The following SEMA6D variants were observed in gnomAD, a reference collection of about 807,000 sequenced individuals.
The protein encoded by SEMA6D is semaphorin 6D, also known as semaphorin-6D.
In SEMA6D, 35 loss-of-function variants were observed where a neutral mutation model predicts 106.6. The ratio of observed to expected loss-of-function variants is 0.33; its 90% CI spans 0.25 to 0.44. The LOEUF (loss-of-function observed/expected upper bound fraction) is 0.44. SEMA6D is among the 20% of genes least tolerant of loss of function. The pLI, the probability that SEMA6D is intolerant of heterozygous loss-of-function variation, is 1.00. For missense variants in SEMA6D, 1,185 were observed against 1,345.9 expected (o/e 0.88, Z 1.87); for synonymous variants, 499 against 487.7 (o/e 1.02, Z -0.31).
At chr15:47,603,967 C>A (rs892926158) in intron 4 of SEMA6D, 1 of 151,950 alleles carries the variant, frequency 6.6e-6, no homozygotes, top group African/African-American at 2.4e-5. Flanking sequence ...GTGTTTATAC[C>A]CTCTTTTGTT....
intron 1 of SEMA6D, among the ~76,000 whole-genome samples, chr15:47,387,516 G>C (rs948118411): frequency 6.6e-6 from 1 of 152,156 alleles, no homozygotes; most frequent in African/African-American, 2.4e-5. Context: ...TTGTTGTCAG[G>C]TTTAAATGAA....
At chr15:47,596,846 G>C (rs929351551) in intron 3 of SEMA6D, among the ~76,000 whole-genome samples, 1 of 151,716 alleles carries the variant, frequency 6.6e-6, no homozygotes, top group African/African-American at 2.4e-5. Flanking sequence ...AAACATAGGA[G>C]AAAAAAACTA....
At chr15:47,492,211 T>A (rs1229042026) in intron 3 of SEMA6D, among the ~76,000 whole-genome samples, 4 of 152,110 alleles carry the variant, frequency 2.6e-5, no homozygotes, top group Non-Finnish European at 5.9e-5. Flanking sequence ...AAGTGAAAGA[T>A]AAAAGTCCAA....
At chr15:47,550,942 C>T (rs1263337487) in intron 3 of SEMA6D, among the ~76,000 whole-genome samples, 2 of 152,102 alleles carry the variant, frequency 1.3e-5, no homozygotes, top group African/African-American at 4.8e-5. Context: ...CAGAAGTGCA[C>T]ATTTGCCATA....
intron 3 of SEMA6D, among the ~76,000 whole-genome samples, chr15:47,499,646 A>G (rs887813496): frequency 2.6e-5 from 4 of 152,264 alleles, no homozygotes; most frequent in Non-Finnish European, 5.9e-5. Flanking sequence ...TCTCAGAGTT[A>G]TATTCCTTAT....
rs1224586120 is a variant in SEMA6D, at chr15:47,772,351, T to TGCGC, written c.*567_*568insCGCG. On this transcript the variant is annotated 3_prime_UTR_variant, in exon 19 of 19. Coordinates refer to ENST00000536845, the MANE Select transcript of SEMA6D (RefSeq NM_001358351.3). ...TCATGCCACCAACAAACTTGTTGTG[T>TGCGC]GTGTGCGTGTGTGTGTGTGTGTGTG... 1 of 125,514 alleles carries TGCGC rather than the reference T, an allele frequency of 8.0e-6. No homozygotes were observed. Among genetic ancestry groups the TGCGC allele is most frequent in the African/African-American group, 3.2e-5 (1 of 31,024 alleles). The allele number at this position is 125,514 out of a possible 1,614,324, so 7.8% of individuals were successfully genotyped here.
At chr15:47,325,317 G>A (rs1486581681) in intron 1 of SEMA6D, among the ~76,000 whole-genome samples, 1 of 152,066 alleles carries the variant, frequency 6.6e-6, no homozygotes. Flanking sequence ...TGGACTACAG[G>A]CGCCCACCAC....
Position 47,644,340 on chromosome 15 carries a change from A to G in SEMA6D, c.-55+43444A>G, listed in dbSNP as rs78560967. ...CATTCAAAGTCATTGTGTCATGTAT[A>G]ATGCCATATTCATTTAAGTAAAATT... On this transcript the variant is annotated intron_variant, in intron 4 of 19. Transcript: ENST00000558014. 6.2e-3 allele frequency among the ~76,000 whole-genome samples: 949 copies of G among 152,366 alleles called. 5 individuals are homozygous for G. Among genetic ancestry groups the G allele is most frequent in the African/African-American group, 0.021 (887 of 41,584 alleles).
At chr15:47,229,642 A>G (rs1054438210) in intron 1 of SEMA6D, among the ~76,000 whole-genome samples, 3 of 150,144 alleles carry the variant, frequency 2.0e-5, no homozygotes, top group Non-Finnish European at 3.0e-5. Flanking sequence ...TGGCTAATCA[A>G]ATTCTAAGAT....
At chr15:47,317,479 C>G (rs1011301398) in intron 1 of SEMA6D, among the ~76,000 whole-genome samples, 4 of 152,262 alleles carry the variant, frequency 2.6e-5, no homozygotes, top group South Asian at 2.1e-4. Flanking sequence ...TATGTAGATT[C>G]ACATTTTCAA....
chr15:47,257,439 C>T (rs1341450803), intron 1 of SEMA6D, among the ~76,000 whole-genome samples: 1 of 152,134 alleles, frequency 6.6e-6, no homozygotes, highest in South Asian at 2.1e-4. Flanking sequence ...TTTTGTGTTA[C>T]CAGTTTCCCT....
chr15:47,202,168 C>T (rs1477399601), intron 1 of SEMA6D, among the ~76,000 whole-genome samples: 1 of 151,884 alleles, frequency 6.6e-6, no homozygotes, highest in African/African-American at 2.4e-5. Context: ...CAGGAGAGGG[C>T]CTCCCTGACC....
chr15:47,204,918 T>G (rs1894957253), intron 1 of SEMA6D, among the ~76,000 whole-genome samples: 1 of 152,054 alleles, frequency 6.6e-6, no homozygotes, highest in African/African-American at 2.4e-5. Flanking sequence ...CCAAAAAAGT[T>G]AGTAGAAAAC....
chr15:47,642,333 G>A (rs1391451759), intron 4 of SEMA6D, among the ~76,000 whole-genome samples: 2 of 152,288 alleles, frequency 1.3e-5, no homozygotes, highest in East Asian at 1.9e-4. Context: ...AAACTGGGGT[G>A]CAGAGATTAA....
intron 3 of SEMA6D, among the ~76,000 whole-genome samples, chr15:47,481,242 C>G (rs759045047): frequency 1.3e-5 from 2 of 152,074 alleles, no homozygotes; most frequent in Non-Finnish European, 2.9e-5. Flanking sequence ...TTGAGGTGAG[C>G]AGCCACAAAC....
At chr15:47,457,985 C>T (rs2042394793) in intron 2 of SEMA6D, among the ~76,000 whole-genome samples, 1 of 151,818 alleles carries the variant, frequency 6.6e-6, no homozygotes, top group Non-Finnish European at 1.5e-5. Flanking sequence ...AGCCAGAAGA[C>T]AGAGAAGAAA....
At chr15:47,757,055 C>T (rs1186433475) in intron 1 of SEMA6D, among the ~76,000 whole-genome samples, 4 of 152,128 alleles carry the variant, frequency 2.6e-5, no homozygotes, top group Non-Finnish European at 5.9e-5. Flanking sequence ...GAAATGATAG[C>T]TCAGCCAGCA....
chr15:47,436,397 A>G (rs1416471125), intron 2 of SEMA6D, among the ~76,000 whole-genome samples: 1 of 151,970 alleles, frequency 6.6e-6, no homozygotes, highest in African/African-American at 2.4e-5. Flanking sequence ...TCTCACAAAA[A>G]AAAAAAAGAA....
intron 1 of SEMA6D, among the ~76,000 whole-genome samples, chr15:47,398,451 G>A (rs1285324490): frequency 2.6e-5 from 4 of 152,186 alleles, no homozygotes; most frequent in South Asian, 2.1e-4. Context: ...GGGTAGGACC[G>A]CAGGTCGTAG....
Sources: gnomAD v4.1 joint callset for allele counts (sites outside exome capture counted in the v4.1 genomes callset) on GRCh38, gnomAD v4.1.1 for gene constraint, MANE v1.5 for transcripts, NCBI Gene and HGNC (gene_info 2026-07-23, HGNC 2026-07-21) for gene names.